SMYD4: variants seen among roughly 807,000 people sequenced by gnomAD.
SMYD4 encodes the protein protein-lysine N-methyltransferase SMYD4.
Under a neutral mutation model 72.8 loss-of-function variants are expected in SMYD4, and 68 were observed. The ratio of observed to expected loss-of-function variants is 0.93; its 90% CI spans 0.77 to 1.14. SMYD4 has a LOEUF of 1.14. Ranked by LOEUF, SMYD4 falls within the 50% of genes most tolerant of loss-of-function variation. SMYD4 has a pLI of 0.00. For missense variants in SMYD4, 984 were observed against 1,003.7 expected, an observed-to-expected ratio of 0.98 and a Z score of 0.27; for synonymous variants, 407 against 388.6, an observed-to-expected ratio of 1.05 and a Z score of -0.56.
intron 2 of SMYD4, among the ~76,000 whole-genome samples, chr17:1,813,417 C>T (rs1295400145): frequency 6.6e-6 from 1 of 151,946 alleles, no homozygotes; most frequent in East Asian, 1.9e-4. Context: ...TTCACCAATT[C>T]TTTGTACTTT....
chr17:1,794,089 A>ATGTGTGTG, intron 5 of SMYD4, among the ~76,000 whole-genome samples: 1 of 24,286 alleles, frequency 4.1e-5, no homozygotes, highest in African/African-American at 1.6e-4. Flanking sequence ...GTGTATATAT[A>ATGTGTGTG]TATATATATA....
intron 5 of SMYD4, among the ~76,000 whole-genome samples, chr17:1,799,564 C>T (rs893194985): frequency 5.3e-5 from 8 of 151,868 alleles, no homozygotes; most frequent in East Asian, 3.9e-4. Context: ...TTAGTAGAGA[C>T]GGGGTTTCAC....
chr17:1,789,720 G>A (rs1164337729), intron 5 of SMYD4, among the ~76,000 whole-genome samples: 24 of 127,432 alleles, frequency 1.9e-4, no homozygotes, highest in East Asian at 1.2e-3. Flanking sequence ...AGCCGAGATC[G>A]CACCACTGCA....
In SMYD4 at chr17:1,800,023, G is replaced by A; in HGVS notation, c.1371C>T (p.Ala457=). The A allele has an allele frequency of 6.2e-7, 1 of 1,614,158 alleles. No individual in the cohort carries two copies. Residue 457 remains alanine, a synonymous_variant, in exon 5 of 11, where the codon GCC becomes GCT. Transcript: ENST00000305513. ...TCTCAGTTGGGATGGCCTGTAAACT[G>A]GCTGCTTCTAGCTGTCTGCACAGTG... is the stretch of plus-strand genomic sequence containing the variant. ...VSALCRQLEA[A]SLQAIPTERI...
At position 1,786,918 on chromosome 17, in the gene SMYD4, C is replaced by T. The variant is rs1334529806; in HGVS notation, c.1776G>A (p.Gln592=). The change falls in exon 7 of 11, where the codon CAG becomes CAA. Residue 592 remains glutamine, a synonymous_variant. Coordinates refer to ENST00000305513, the MANE Select transcript of SMYD4 (RefSeq NM_052928.3). ...CTGGACAGGCGCAGTCAAAGAAATA[C>T]TGAGACCTCAGCTTCTGCTGCCTTT... is the stretch of plus-strand genomic sequence containing the variant. ...VAERQQKLRS[Q]YFFDCACPAC... 1 of 1,614,208 alleles carries T rather than the reference C, an allele frequency of 6.2e-7. No homozygotes were observed. The highest frequency in any genetic ancestry group is 8.5e-7 in the Non-Finnish European group (1 of 1,180,048).
chr17:1,822,615 A>G (rs559109073), intron 2 of SMYD4, among the ~76,000 whole-genome samples: 1 of 152,046 alleles, frequency 6.6e-6, no homozygotes, highest in South Asian at 2.1e-4. Context: ...GCCCGCCACC[A>G]TGGCCAGTTA....
chr17:1,783,075 C>T lies in SMYD4; in HGVS notation c.2221G>A (p.Gly741Ser), dbSNP rs770084455. Residue 741 changes from glycine (G) to serine (S), a missense_variant, in exon 10 of 11, where the codon GGC becomes AGC. By Grantham distance (56) the Gly-to-Ser change is moderately conservative. Transcript: ENST00000305513. The part of the protein sequence containing the change: ...VRHGPSSVEM[G>S]HELFKLAQIF... ...TGGGCCAATTTGAAGAGCTCATGGC[C>T]CATTTCAACACTGGACGGCCCGTGG... The T allele has an allele frequency of 1.9e-6, 3 of 1,614,164 alleles. No homozygotes were observed. The East Asian group carries it at 6.7e-5, about 36-fold the overall frequency.
At chr17:1,791,090 G>T (rs1909000465) in intron 5 of SMYD4, among the ~76,000 whole-genome samples, 1 of 130,440 alleles carries the variant, frequency 7.7e-6, no homozygotes, top group African/African-American at 2.9e-5. Flanking sequence ...TCGCGCCACT[G>T]CACTCCAGCC....
At chr17:1,808,176 T>A (rs1910140220) in intron 3 of SMYD4, among the ~76,000 whole-genome samples, 1 of 152,210 alleles carries the variant, frequency 6.6e-6, no homozygotes, top group East Asian at 1.9e-4. Flanking sequence ...ATACACATAT[T>A]TACATAGAAA....
At chr17:1,803,939 G>C (rs1285251373) in intron 4 of SMYD4, among the ~76,000 whole-genome samples, 2 of 150,100 alleles carry the variant, frequency 1.3e-5, no homozygotes, top group Non-Finnish European at 3.0e-5. Context: ...GCAGTGGTGC[G>C]ATCTGGGCTC....
intron 2 of SMYD4, among the ~76,000 whole-genome samples, chr17:1,816,603 A>G (rs1910610654): frequency 6.6e-6 from 1 of 151,284 alleles, no homozygotes; most frequent in Non-Finnish European, 1.5e-5. Flanking sequence ...CTGGGCGACA[A>G]AGCGAGACTC....
intron 3 of SMYD4, among the ~76,000 whole-genome samples, chr17:1,809,129 G>A (rs184257890): frequency 1.0e-3 from 158 of 152,048 alleles, no homozygotes; most frequent in African/African-American, 2.4e-3. Flanking sequence ...CTCCCGCCTC[G>A]GTCTCCCAAA....
At position 1,804,669 on chromosome 17, in the gene SMYD4, T is replaced by C. The variant is rs1389253216; in HGVS notation, c.326A>G (p.His109Arg). 6.2e-7 allele frequency: 1 copy of C among 1,613,738 alleles called. No homozygotes were observed. The highest frequency in any genetic ancestry group is 8.5e-7 in the Non-Finnish European group (1 of 1,179,754). Residue 109 changes from histidine to arginine, a missense_variant, in exon 4 of 11, where the codon CAT (histidine) becomes CGT (arginine). His to Arg is a conservative substitution (Grantham distance 29). Transcript: ENST00000305513. ...RPNTEDMSLC[H>R]ANRSAALFHL... ...GAAGAGGGCTGCCGAGCGGTTAGCATGACACAGTGACATGTCCTCAGTGTT... is the reference window on the plus strand; with the variant it reads ...GAAGAGGGCTGCCGAGCGGTTAGCACGACACAGTGACATGTCCTCAGTGTT...
At chr17:1,826,719 G>T (rs1167633454) in intron 2 of SMYD4, among the ~76,000 whole-genome samples, 1 of 152,010 alleles carries the variant, frequency 6.6e-6, no homozygotes. Flanking sequence ...AAATATATAA[G>T]GTTCTGCTTT....
intron 2 of SMYD4, among the ~76,000 whole-genome samples, chr17:1,816,049 A>G (rs796666187): frequency 3.4e-5 from 5 of 146,966 alleles, no homozygotes; most frequent in African/African-American, 1.3e-4. Flanking sequence ...ACATACATTC[A>G]TATTATCCAA....
intron 2 of SMYD4, among the ~76,000 whole-genome samples, chr17:1,816,405 G>A (rs1168097029): frequency 6.6e-6 from 1 of 151,700 alleles, no homozygotes; most frequent in Non-Finnish European, 1.5e-5. Flanking sequence ...GGATCACGAG[G>A]TCAGGAGATT....
At chr17:1,828,295 G>A (rs1433157769) in intron 1 of SMYD4, among the ~76,000 whole-genome samples, 2 of 150,568 alleles carry the variant, frequency 1.3e-5, no homozygotes. Flanking sequence ...AGGTTGCAGT[G>A]AGCTGAGATC....
intron 10 of SMYD4, 100 bp from the exon 11 acceptor site, chr17:1,781,539 G>T: frequency 1.5e-6 from 2 of 1,362,922 alleles, no homozygotes; most frequent in Non-Finnish European, 2.0e-6. Context: ...GATCATTTCT[G>T]TCATCAAGGA....
intron 2 of SMYD4, among the ~76,000 whole-genome samples, chr17:1,817,282 C>T (rs1006601120): frequency 1.3e-5 from 2 of 151,962 alleles, no homozygotes; most frequent in African/African-American, 2.4e-5. Flanking sequence ...AACTGATTTG[C>T]CTACCTCAGC....
Sources: gnomAD v4.1 joint callset for allele counts (sites outside exome capture counted in the v4.1 genomes callset) on GRCh38, gnomAD v4.1.1 for gene constraint, MANE v1.5 for transcripts, NCBI Gene and HGNC (gene_info 2026-07-23, HGNC 2026-07-21) for gene names.